Variants in ABCA1 observed in about 807,000 individuals in gnomAD.
ABCA1 encodes phospholipid-transporting ATPase ABCA1.
A neutral mutation model predicts 262.5 loss-of-function variants in ABCA1; 133 were observed. The observed-to-expected ratio is 0.51, with a 90% CI of 0.44 to 0.59. ABCA1 has a LOEUF of 0.59. Among genes scored for constraint, ABCA1 ranks in the 20% least tolerant of loss-of-function variants. The pLI is 0.00. For missense variants in ABCA1, 2,452 were observed against 2,777.5 expected, an observed-to-expected ratio of 0.88 and a Z score of 2.63; for synonymous variants, 1,022 against 1,043.5, an observed-to-expected ratio of 0.98 and a Z score of 0.40.
chr9:104,813,197 G>A (rs1229109469), intron 27 of ABCA1, among the ~76,000 whole-genome samples: 1 of 152,196 alleles, frequency 6.6e-6, no homozygotes, highest in East Asian at 1.9e-4. Flanking sequence ...ATGAAGTCAG[G>A]CAGTTATATA....
At chr9:104,802,258 T>C (rs1468842906) in intron 33 of ABCA1, 99 bp from the exon 34 acceptor site, 3 of 1,136,176 alleles carry the variant, frequency 2.6e-6, no homozygotes, top group Non-Finnish European at 2.7e-6. Flanking sequence ...CTGAGTCAAA[T>C]TCCTGTTCAA....
intron 1 of ABCA1, among the ~76,000 whole-genome samples, chr9:104,906,102 A>C (rs1267550781): frequency 6.6e-6 from 1 of 152,224 alleles, no homozygotes; most frequent in Non-Finnish European, 1.5e-5. Context: ...CTCCCCATTT[A>C]TCTTTCTTCA....
intron 3 of ABCA1, among the ~76,000 whole-genome samples, chr9:104,885,043 C>G (rs1402377080): frequency 6.6e-6 from 1 of 152,154 alleles, no homozygotes; most frequent in African/African-American, 2.4e-5. Context: ...CAAGACCACC[C>G]TGGCCAACAT....
At position 104,875,586 on chromosome 9, in the gene ABCA1, T is replaced by C. The variant is rs149039235; in HGVS notation, c.421+7453A>G. Among the ~76,000 whole-genome samples, 361 of 152,116 alleles carry C rather than the reference T, an allele frequency of 2.4e-3. 1 individual carries two copies. Among genetic ancestry groups the C allele is most frequent in the African/African-American group, 8.2e-3 (342 of 41,472 alleles). On this transcript the variant is annotated intron_variant, in intron 5 of 49. Transcript: ENST00000374736. ...TCCAAAGGGTTCATCTCCAGCACAG[T>C]GACAAAATGCCCAAAGATATTTCTT...
Position 104,837,938 on chromosome 9 carries a change from A to G in ABCA1, c.1055-371T>C, listed in dbSNP as rs1345328489. ...TTCACACTCTCATGCCAGCCTCACC[A>G]TTGTTTTCACTGACAACTAACATGA... On this transcript the variant is annotated intron_variant, in intron 9 of 49. Coordinates refer to ENST00000374736, the MANE Select transcript of ABCA1 (RefSeq NM_005502.4). Among the ~76,000 whole-genome samples the G allele has an allele frequency of 2.6e-5, 4 of 152,164 alleles. No homozygotes were observed. The East Asian group carries it at 5.8e-4, about 22-fold the overall frequency.
At chr9:104,923,106 G>A (rs73506168) in intron 1 of ABCA1, among the ~76,000 whole-genome samples, 13,145 of 152,202 alleles carry the variant, frequency 0.086, 1,839 homozygotes, top group African/African-American at 0.3. Context: ...AGTAACAGCA[G>A]TAACAGAGAA....
intron 27 of ABCA1, among the ~76,000 whole-genome samples, chr9:104,813,580 A>AT (rs1405441886): frequency 6.6e-6 from 1 of 152,050 alleles, no homozygotes; most frequent in South Asian, 2.1e-4. Context: ...CACTCGGCTA[A>AT]TTTTTTGTAT....
chr9:104,921,707 A>G (rs1322503191), intron 1 of ABCA1, among the ~76,000 whole-genome samples: 1 of 152,218 alleles, frequency 6.6e-6, no homozygotes, highest in African/African-American at 2.4e-5. Context: ...GAAGACAGGA[A>G]GCAAACATGA....
Position 104,928,096 on chromosome 9 carries a change from G to A in ABCA1, c.-254C>T, listed in dbSNP as rs923447172. On this transcript the variant is annotated 5_prime_UTR_variant, in exon 1 of 50. Coordinates refer to ENST00000374736, the MANE Select transcript of ABCA1 (RefSeq NM_005502.4). The stretch of plus-strand genomic sequence containing the variant: ...CCCGCCCTGCCCTGCCGCAGCCCGG[G>A]AGAGAAGGGTCGGCTCGGCTCTGCG... 5 of 152,282 alleles carry A rather than the reference G, an allele frequency of 3.3e-5. No homozygotes were observed. Among genetic ancestry groups the A allele is most frequent in the African/African-American group, 1.2e-4 (5 of 41,458 alleles). 9.4% of individuals were successfully genotyped at this position (152,282 alleles called of 1,614,324 possible).
chr9:104,868,712 A>G (rs1362690435), intron 5 of ABCA1, among the ~76,000 whole-genome samples: 1 of 152,196 alleles, frequency 6.6e-6, no homozygotes, highest in Non-Finnish European at 1.5e-5. Context: ...GGAAAGGAAA[A>G]AGAACAAAAA....
At position 104,862,069 on chromosome 9, in the gene ABCA1, CACACACAT is replaced by C. The variant is rs1403298292; in HGVS notation, c.422-277_422-270del. ...GCTGTTACACACACACACACACACACACACACATACACACACACACAGCCTTTCCTTTT... is the reference window on the plus strand; with the variant it reads ...GCTGTTACACACACACACACACACACACACACACACACAGCCTTTCCTTTT... On this transcript the variant is annotated intron_variant, in intron 5 of 49. Coordinates refer to ENST00000374736, the MANE Select transcript of ABCA1 (RefSeq NM_005502.4). Among the ~76,000 whole-genome samples the C allele has an allele frequency of 2.3e-3, 336 of 148,884 alleles. 1 individual carries two copies. The highest frequency in any genetic ancestry group is 6.6e-3 in the African/African-American group (266 of 40,154).
At position 104,804,822 on chromosome 9, in the gene ABCA1, A is replaced by G. The variant is rs914265259; in HGVS notation, c.4465-102T>C. The G allele has an allele frequency of 2.9e-6, 3 of 1,019,392 alleles. No individual in the cohort carries two copies. In the African/African-American group the frequency reaches 4.7e-5, roughly 16 times the overall value. 63.1% of individuals were successfully genotyped at this position (1,019,392 alleles called of 1,614,324 possible). On this transcript the variant is annotated intron_variant, in intron 31 of 49. Transcript: ENST00000374736. The stretch of plus-strand genomic sequence containing the variant: ...TGACCATGTCCACAGTGTGACCGGA[A>G]ACCTGACTACAGGTCCCAGACACTG...
At chr9:104,908,791 T>C (rs1423362823) in intron 1 of ABCA1, among the ~76,000 whole-genome samples, 1 of 152,136 alleles carries the variant, frequency 6.6e-6, no homozygotes, top group Non-Finnish European at 1.5e-5. Context: ...CACAAAAAAC[T>C]ACATACTGCA....
intron 7 of ABCA1, among the ~76,000 whole-genome samples, chr9:104,854,259 TG>T (rs1204106404): frequency 9.9e-5 from 15 of 152,162 alleles, no homozygotes. Flanking sequence ...TCTGATATCC[TG>T]GATGAGCTCC....
At chr9:104,819,015 T>C in intron 22 of ABCA1, 132 bp from the exon 23 acceptor site, 2 of 837,112 alleles carry the variant, frequency 2.4e-6, no homozygotes, top group South Asian at 1.4e-5. Context: ...TTTCACCCTG[T>C]ATGGCTATGA....
chr9:104,815,971 A>G (rs1227805626), intron 25 of ABCA1, among the ~76,000 whole-genome samples, 172 bp downstream of exon 25: 1 of 152,234 alleles, frequency 6.6e-6, no homozygotes, highest in African/African-American at 2.4e-5. Flanking sequence ...CTTTCCTGCT[A>G]TCTCCCACTA....
intron 1 of ABCA1, among the ~76,000 whole-genome samples, chr9:104,915,983 A>T (rs1841816542): frequency 6.6e-6 from 1 of 152,182 alleles, no homozygotes. Flanking sequence ...CACTGGAACC[A>T]AGTGTCAGAC....
chr9:104,818,556 G>C (rs1831986915), intron 23 of ABCA1, 107 bp downstream of exon 23: 2 of 1,054,576 alleles, frequency 1.9e-6, no homozygotes, highest in Non-Finnish European at 3.0e-6. Flanking sequence ...GCAGGGAGAT[G>C]GTGGTTTCAA....
intron 2 of ABCA1, among the ~76,000 whole-genome samples, chr9:104,895,333 T>C (rs539323196): frequency 6.6e-6 from 1 of 152,366 alleles, no homozygotes; most frequent in African/African-American, 2.4e-5. Context: ...GCAGATTTTC[T>C]TGATAGTGAC....
Sources: gnomAD v4.1 joint callset for allele counts (sites outside exome capture counted in the v4.1 genomes callset) on GRCh38, gnomAD v4.1.1 for gene constraint, MANE v1.5 for transcripts, NCBI Gene and HGNC (gene_info 2026-07-23, HGNC 2026-07-21) for gene names.